Variants in HECW2 observed in about 807,000 individuals in gnomAD.
HECW2 encodes E3 ubiquitin-protein ligase HECW2.
In HECW2, 61 loss-of-function variants were observed where a neutral mutation model predicts 175.2. The observed-to-expected ratio is 0.35, with a 90% CI of 0.28 to 0.43. The LOEUF (loss-of-function observed/expected upper bound fraction) is 0.43, where lower values mean the gene tolerates loss of function less well. HECW2 is among the 20% of genes least tolerant of loss of function. The pLI is 1.00. For synonymous variants in HECW2, 671 were observed against 731.0 expected (o/e 0.92, Z 1.32); for missense variants, 1,524 against 2,000.5 (o/e 0.76, Z 4.54).
chr2:196,569,406 A>T (rs1690302080), intron 1 of HECW2, among the ~76,000 whole-genome samples: 1 of 150,146 alleles, frequency 6.7e-6, no homozygotes, highest in South Asian at 2.1e-4. Flanking sequence ...TGTCTCAAGC[A>T]TCAACTTCTC....
At chr2:196,325,820 A>T (rs1448300573) in intron 5 of HECW2, among the ~76,000 whole-genome samples, 1 of 152,208 alleles carries the variant, frequency 6.6e-6, no homozygotes, top group Non-Finnish European at 1.5e-5. Flanking sequence ...AAATATTTGA[A>T]GAATGTCCTA....
rs372880249 is a variant in HECW2 at position 196,354,267 on chromosome 2, G to A, written c.293-10503C>T. Reference sequence around the variant, plus strand: ...ACCCCTTCTGAGGCTTCAGGGTTGTGGCCACCCCTGCCTGGGCACCACCGC... The same window carrying A: ...ACCCCTTCTGAGGCTTCAGGGTTGTAGCCACCCCTGCCTGGGCACCACCGC... On this transcript the variant is annotated intron_variant, in intron 2 of 28. Coordinates refer to ENST00000644978, the MANE Select transcript of HECW2 (RefSeq NM_001348768.2). Among the ~76,000 whole-genome samples the A allele has an allele frequency of 1.6e-4, 24 of 152,294 alleles. No homozygotes were observed. In the East Asian group the frequency reaches 2.5e-3, roughly 16 times the overall value.
chr2:196,382,785 C>T (rs950192475), intron 2 of HECW2, among the ~76,000 whole-genome samples: 1 of 1,158 alleles, frequency 8.6e-4, no homozygotes, highest in Non-Finnish European at 1.6e-3. Context: ...ATGTTCTAAA[C>T]CAGGGTAGCT....
intron 6 of HECW2, among the ~76,000 whole-genome samples, chr2:196,324,491 T>C (rs1437191476): frequency 1.3e-5 from 2 of 152,156 alleles, no homozygotes; most frequent in African/African-American, 4.8e-5. Context: ...TAGAAATTCA[T>C]AAAACATTTG....
intron 1 of HECW2, among the ~76,000 whole-genome samples, chr2:196,466,888 T>C (rs933815029): frequency 6.6e-6 from 1 of 152,190 alleles, no homozygotes; most frequent in East Asian, 1.9e-4. Flanking sequence ...TTTAAGAATA[T>C]TCTTTCAAAT....
intron 1 of HECW2, among the ~76,000 whole-genome samples, chr2:196,520,648 A>G (rs1238520488): frequency 6.6e-6 from 1 of 152,234 alleles, no homozygotes; most frequent in Non-Finnish European, 1.5e-5. Flanking sequence ...ATGTTCACTA[A>G]AGCAAAAGAA....
chr2:196,321,713 T>A (rs1480645104), intron 7 of HECW2, among the ~76,000 whole-genome samples: 3 of 152,154 alleles, frequency 2.0e-5, no homozygotes, highest in Admixed American at 6.5e-5. Flanking sequence ...TTATTCTTAA[T>A]TAAGGAAAAT....
intron 17 of HECW2, among the ~76,000 whole-genome samples, chr2:196,261,131 C>A (rs1460869839): frequency 3.9e-5 from 6 of 152,110 alleles, no homozygotes; most frequent in Non-Finnish European, 8.8e-5. Flanking sequence ...TCCCCATCTG[C>A]CACTTACGCA....
At chr2:196,209,240 G>C (rs1295322536) in intron 28 of HECW2, among the ~76,000 whole-genome samples, 1 of 152,178 alleles carries the variant, frequency 6.6e-6, no homozygotes, top group African/African-American at 2.4e-5. Flanking sequence ...CTGATGGAAT[G>C]CAAGTGGAAT....
chr2:196,522,012 T>A (rs1190551656), intron 1 of HECW2, among the ~76,000 whole-genome samples: 1 of 152,216 alleles, frequency 6.6e-6, no homozygotes, highest in Non-Finnish European at 1.5e-5. Context: ...ATGGGATGGC[T>A]GGGTCAAATG....
At chr2:196,334,084 C>T (rs1261687512) in intron 4 of HECW2, among the ~76,000 whole-genome samples, 1 of 152,176 alleles carries the variant, frequency 6.6e-6, no homozygotes. Flanking sequence ...TTAAAATTCA[C>T]ATAAGATGCA....
intron 1 of HECW2, among the ~76,000 whole-genome samples, chr2:196,513,292 C>T (rs1688021891): frequency 6.6e-6 from 1 of 152,184 alleles, no homozygotes; most frequent in African/African-American, 2.4e-5. Flanking sequence ...AGGTGGATCA[C>T]TTGATCCCAG....
intron 1 of HECW2, among the ~76,000 whole-genome samples, chr2:196,437,453 A>G (rs977630573): frequency 1.3e-5 from 2 of 151,780 alleles, no homozygotes; most frequent in African/African-American, 4.8e-5. Flanking sequence ...CTCCACTAAA[A>G]ATACAAAAAT....
chr2:196,240,707 G>T, intron 20 of HECW2, 145 bp from the exon 21 acceptor site: 1 of 808,896 alleles, frequency 1.2e-6, no homozygotes, highest in Non-Finnish European at 1.8e-6. Context: ...CTGCAATAAA[G>T]TACACATTTG....
At chr2:196,217,783 A>T (rs1252053416) in intron 26 of HECW2, 1 of 152,246 alleles carries the variant, frequency 6.6e-6, no homozygotes, top group Non-Finnish European at 1.5e-5. Flanking sequence ...GTGATGATGG[A>T]TTCCAAAAAC....
In HECW2 at chr2:196,550,045, G is replaced by A. The variant is rs575793656; in HGVS notation, c.-36+43463C>T. On this transcript the variant is annotated intron_variant, in intron 1 of 28. Transcript: ENST00000644978. The stretch of plus-strand genomic sequence containing the variant: ...AACCTGCCAGACTGTGCTGACTTTA[G>A]AGGCTTGACCAATTCTTGTTGGAGT... 5.3e-5 allele frequency among the ~76,000 whole-genome samples: 8 copies of A among 152,330 alleles called. No individual in the cohort carries two copies. In the South Asian group the frequency reaches 1.7e-3, roughly 32 times the overall value.
At chr2:196,419,410 C>A (rs1176330361) in intron 2 of HECW2, among the ~76,000 whole-genome samples, 1 of 152,180 alleles carries the variant, frequency 6.6e-6, no homozygotes, top group East Asian at 1.9e-4. Context: ...ATTTCCACCT[C>A]CTGGAATGAC....
intron 1 of HECW2, among the ~76,000 whole-genome samples, chr2:196,515,945 G>A (rs1049073411): frequency 1.1e-4 from 15 of 142,738 alleles, no homozygotes; most frequent in South Asian, 2.2e-4. Flanking sequence ...CCAACAGGGC[G>A]AAACCACCTC....
intron 16 of HECW2, among the ~76,000 whole-genome samples, chr2:196,273,392 A>G (rs554557470): frequency 3.3e-5 from 5 of 152,254 alleles, no homozygotes; most frequent in Admixed American, 6.5e-5. Flanking sequence ...AAGACGGAGC[A>G]CGGAGCCCAT....
Sources: allele counts gnomAD v4.1 joint callset (sites outside exome capture counted in the v4.1 genomes callset), GRCh38; gene constraint gnomAD v4.1.1; transcripts MANE v1.5; gene names NCBI Gene and HGNC (gene_info 2026-07-23, HGNC 2026-07-21).